ORMDL1: variants seen among roughly 807,000 people sequenced by gnomAD.
The protein encoded by ORMDL1 is ORMDL sphingolipid biosynthesis regulator 1, also known as ORM1-like protein 1.
ORMDL1 carries 10 observed loss-of-function variants against 13.0 expected under a neutral mutation model. The ratio of observed to expected loss-of-function variants is 0.77; its 90% CI spans 0.47 to 1.30. ORMDL1 has a LOEUF of 1.30. Ranked by LOEUF, ORMDL1 falls within the 50% of genes most tolerant of loss-of-function variation. The probability of loss-of-function intolerance (pLI) is 0.00; values close to 1 mark genes in which losing one functional copy is unlikely to be tolerated. For missense variants in ORMDL1, 171 were observed against 186.7 expected, an observed-to-expected ratio of 0.92 and a Z score of 0.49; for synonymous variants, 61 against 63.9, an observed-to-expected ratio of 0.95 and a Z score of 0.22.
chr2:189,778,098 G>C (rs927701120), intron 3 of ORMDL1: 12 of 441,050 alleles, frequency 2.7e-5, no homozygotes, highest in Non-Finnish European at 5.4e-5. Context: ...CGGTTAGGGG[G>C]TGGTGGTGGT....
rs758067747 is a variant in ORMDL1, at chr2:189,784,284, G to C, written c.-133C>G. The C allele has an allele frequency of 2.0e-4, 30 of 152,682 alleles. No homozygotes were observed. The highest frequency in any genetic ancestry group is 6.7e-4 in the African/African-American group (28 of 41,600). 9.5% of individuals were successfully genotyped at this position (152,682 alleles called of 1,614,324 possible). Reference sequence around the variant, plus strand: ...GCCCACTTACCCGCCGCCCCACTCCGGGCCGCCGGCTCGCAGCAGGACCAG... The same window carrying C: ...GCCCACTTACCCGCCGCCCCACTCCCGGCCGCCGGCTCGCAGCAGGACCAG... On this transcript the variant is annotated 5_prime_UTR_variant, in exon 1 of 5. Transcript: ENST00000392349.
intron 4 of ORMDL1, chr2:189,774,750 AAGG>A (rs1283750229): frequency 6.6e-6 from 1 of 152,178 alleles, no homozygotes; most frequent in Non-Finnish European, 1.5e-5. Flanking sequence ...CTGGGGAAAA[AAGG>A]AGGAGGCATT....
rs770860939 is a variant in ORMDL1 at position 189,782,637 on chromosome 2, C to A, written c.-7-35G>T. The A allele has an allele frequency of 1.5e-5, 24 of 1,579,332 alleles. No individual in the cohort carries two copies. The African/African-American group carries it at 2.4e-4, about 16-fold the overall frequency. ...GTAATGAAATGAATCAACACTGATA[C>A]AACTGGCAACCTAACACCCCCAATT... On this transcript the variant is annotated intron_variant, in intron 2 of 4. Coordinates refer to ENST00000392349, the MANE Select transcript of ORMDL1 (RefSeq NM_016467.5).
At chr2:189,766,465 C>T (rs897370727), downstream of ORMDL1, among the ~76,000 whole-genome samples, 27 of 152,138 alleles carry the variant, frequency 1.8e-4, 1 homozygote, top group Non-Finnish European at 3.5e-4. Flanking sequence ...CAGTGGCTCG[C>T]GCCTGTAATC....
intron 3 of ORMDL1, among the ~76,000 whole-genome samples, chr2:189,780,395 T>A (rs978853762): frequency 1.4e-4 from 22 of 152,206 alleles, no homozygotes; most frequent in African/African-American, 5.3e-4. Flanking sequence ...GGCCTTTAGA[T>A]AAGATTAGTA....
downstream of ORMDL1, chr2:189,765,372 A>G (rs191118703): frequency 3.3e-4 from 50 of 152,306 alleles, no homozygotes; most frequent in Admixed American, 3.2e-3. Context: ...TGCTTGGGAA[A>G]AGCCACATTG....
downstream of ORMDL1, among the ~76,000 whole-genome samples, chr2:189,767,397 A>C (rs1293361621): frequency 6.6e-6 from 1 of 152,260 alleles, no homozygotes; most frequent in Non-Finnish European, 1.5e-5. Flanking sequence ...CCCTGTAAAA[A>C]TTATAAAATG....
At position 189,770,544 on chromosome 2, in the gene ORMDL1, A is replaced by C. The variant is rs552429910; in HGVS notation, c.*1223T>G. On this transcript the variant is annotated 3_prime_UTR_variant, in exon 5 of 5. Coordinates refer to ENST00000392349, the MANE Select transcript of ORMDL1 (RefSeq NM_016467.5). ...TCTTTTCATTCAATTCTGTTTATAA[A>C]TGTTACTGAATTTTTAAATTTTGTC... The C allele has an allele frequency of 6.6e-6, 1 of 152,246 alleles. No homozygotes were observed. Among genetic ancestry groups the C allele is most frequent in the South Asian group, 2.1e-4 (1 of 4,826 alleles). The allele number at this position is 152,246 out of a possible 1,614,324, so 9.4% of individuals were successfully genotyped here.
downstream of ORMDL1, among the ~76,000 whole-genome samples, chr2:189,767,140 T>A (rs115690765): frequency 6.6e-6 from 1 of 152,348 alleles, no homozygotes; most frequent in Non-Finnish European, 1.5e-5. Context: ...AATTGCTGGA[T>A]ATAATTTTAA....
chr2:189,782,853 T>C, intron 2 of ORMDL1, 161 bp downstream of exon 2: 1 of 354,584 alleles, frequency 2.8e-6, no homozygotes, highest in Non-Finnish European at 5.1e-6. Context: ...TACAATGCCT[T>C]TCCAAAAGTT....
At chr2:189,772,524 T>C (rs1267906110) in intron 4 of ORMDL1, among the ~76,000 whole-genome samples, 1 of 152,202 alleles carries the variant, frequency 6.6e-6, no homozygotes, top group African/African-American at 2.4e-5. Context: ...GATATCCAAC[T>C]GAGAATTTGT....
At chr2:189,768,127 ATTC>A (rs1423049555), downstream of ORMDL1, among the ~76,000 whole-genome samples, 13 of 152,146 alleles carry the variant, frequency 8.5e-5, no homozygotes, top group African/African-American at 2.9e-4. Flanking sequence ...GATACATCTC[ATTC>A]TTTTCTTTTT....
At chr2:189,782,757 T>A in intron 2 of ORMDL1, 155 bp from the exon 3 acceptor site, 1 of 593,464 alleles carries the variant, frequency 1.7e-6, no homozygotes, top group Non-Finnish European at 3.0e-6. Context: ...TACTTGTAGA[T>A]GCTGATGACA....
At chr2:189,766,982 C>A (rs972785054), downstream of ORMDL1, among the ~76,000 whole-genome samples, 16 of 152,190 alleles carry the variant, frequency 1.1e-4, no homozygotes, top group African/African-American at 3.9e-4. Flanking sequence ...GTATATGTCA[C>A]ATTTCTTTTA....
chr2:189,773,719 T>C (rs1303043528), intron 4 of ORMDL1, among the ~76,000 whole-genome samples: 5 of 430 alleles, frequency 0.012, no homozygotes, highest in Non-Finnish European at 0.11. Context: ...AAGACTCTTG[T>C]CTCAAAAAAA....
At chr2:189,782,665 G>C in intron 2 of ORMDL1, 63 bp from the exon 3 acceptor site, 1 of 1,447,820 alleles carries the variant, frequency 6.9e-7, no homozygotes, top group Non-Finnish European at 9.6e-7. Flanking sequence ...CCCCAATTCT[G>C]ACATGACAAG....
chr2:189,781,978 T>C (rs1175302675), intron 3 of ORMDL1, among the ~76,000 whole-genome samples: 2 of 151,692 alleles, frequency 1.3e-5, no homozygotes, highest in Non-Finnish European at 2.9e-5. Context: ...AATCTCACTC[T>C]GTCACCTAGG....
chr2:189,769,327 C>G (rs189541741), downstream of ORMDL1, among the ~76,000 whole-genome samples: 183 of 151,742 alleles, frequency 1.2e-3, 2 homozygotes, highest in African/African-American at 4.0e-3. Context: ...GCAGAAGTTG[C>G]AGTGAGCCGG....
intron 3 of ORMDL1, among the ~76,000 whole-genome samples, chr2:189,780,000 C>T (rs1294480886): frequency 6.6e-6 from 1 of 152,154 alleles, no homozygotes; most frequent in African/African-American, 2.4e-5. Context: ...TTGAGTATTC[C>T]TTATCCACAA....
Sources: allele counts gnomAD v4.1 joint callset (sites outside exome capture counted in the v4.1 genomes callset), GRCh38; gene constraint gnomAD v4.1.1; transcripts MANE v1.5; gene names NCBI Gene and HGNC (gene_info 2026-07-23, HGNC 2026-07-21).